The following HERC2 variants were observed in gnomAD, a reference collection of about 807,000 sequenced individuals.
HERC2 encodes the protein HECT and RLD domain containing E3 ubiquitin protein ligase 2, also known as E3 ubiquitin-protein ligase HERC2.
A neutral mutation model predicts 537.7 loss-of-function variants in HERC2; 102 were observed. The ratio of observed to expected loss-of-function variants is 0.19; its 90% CI spans 0.16 to 0.22. The LOEUF (loss-of-function observed/expected upper bound fraction) is 0.22. Ranked by LOEUF, HERC2 falls within the 10% of genes least tolerant of loss-of-function variation. The pLI, the probability that HERC2 is intolerant of heterozygous loss-of-function variation, is 1.00. For missense variants in HERC2, 4,236 were observed against 6,198.2 expected, an observed-to-expected ratio of 0.68 and a Z score of 10.63; for synonymous variants, 2,224 against 2,466.2, an observed-to-expected ratio of 0.90 and a Z score of 2.91.
intron 30 of HERC2, among the ~76,000 whole-genome samples, chr15:28,231,214 A>G (rs2140617462): frequency 6.6e-6 from 1 of 152,330 alleles, no homozygotes; most frequent in African/African-American, 2.4e-5. Context: ...CCTGGGCAGT[A>G]AAGAGCTAAC....
chr15:28,227,552 A>G (rs1184227799), intron 35 of HERC2, among the ~76,000 whole-genome samples: 1 of 152,004 alleles, frequency 6.6e-6, no homozygotes, highest in African/African-American at 2.4e-5. Context: ...GGTGGTGGGA[A>G]TGTAAAAATG....
At position 28,182,638 on chromosome 15, in the gene HERC2, AT is replaced by A. The variant is rs1159566530; in HGVS notation, c.8826-127del. ...ATGGTTACTTTCAGAAACTCTTAAAATTTTGCTTTAATAGAAAAAAACCTCA... is the reference window on the plus strand; with the variant it reads ...ATGGTTACTTTCAGAAACTCTTAAAATTTGCTTTAATAGAAAAAAACCTCA... On this transcript the variant is annotated intron_variant, in intron 56 of 92. Coordinates refer to ENST00000261609, the MANE Select transcript of HERC2 (RefSeq NM_004667.6). The A allele has an allele frequency of 4.0e-5, 30 of 757,458 alleles. No homozygotes were observed. In the East Asian group the frequency reaches 7.2e-4, roughly 18 times the overall value. The allele number at this position is 757,458 out of a possible 1,614,324, so 46.9% of individuals were successfully genotyped here. A position where few individuals can be genotyped will look rare whatever the true frequency, so the allele number is the denominator to read the frequency against.
intron 48 of HERC2, among the ~76,000 whole-genome samples, chr15:28,199,936 G>A (rs1312889634): frequency 2.0e-5 from 3 of 152,132 alleles, no homozygotes; most frequent in South Asian, 2.1e-4. Flanking sequence ...AGGAGAGGAC[G>A]GGGGAAGGAG....
chr15:28,177,083 C>A lies in HERC2; in HGVS notation c.9299G>T (p.Arg3100Leu). ...GCTCCCACAGGCGATATCCCGGATA[C>A]GCTTGGTTTTCAGGGCCTCGATCAG... is the stretch of plus-strand genomic sequence containing the variant. ...PRLIEALKTK[R>L]IRDIACGSSH... The change falls in exon 61 of 93, where the codon CGT becomes CTT. Residue 3100 changes from arginine (R) to leucine (L), a missense_variant. Physicochemically the swap from Arg to Leu is moderately radical, Grantham distance 102. Around this residue, in one of 27 missense-constraint regions of HERC2, gnomAD observed 606 missense variants for 884.5 expected, o/e 0.69. Transcript: ENST00000261609. The surrounding 1 kb of genome is among the most constrained non-coding windows in gnomAD (Gnocchi z 5.0). 2 of 1,613,742 alleles carry A rather than the reference C, an allele frequency of 1.2e-6. No individual in the cohort carries two copies. The highest frequency in any genetic ancestry group is 2.2e-5 in the South Asian group (2 of 91,078).
At chr15:28,251,721 A>C (rs1339908203) in intron 20 of HERC2, among the ~76,000 whole-genome samples, 1 of 151,932 alleles carries the variant, frequency 6.6e-6, no homozygotes, top group Non-Finnish European at 1.5e-5. Context: ...AATCACTTGA[A>C]GCCAAGAGGC....
intron 2 of HERC2, among the ~76,000 whole-genome samples, chr15:28,310,316 G>A (rs374669340): frequency 3.9e-5 from 6 of 152,080 alleles, no homozygotes; most frequent in Non-Finnish European, 7.4e-5. Flanking sequence ...AGGTGGTGGC[G>A]CGCCTGTACT....
chr15:28,128,907 C>T (rs1439551107), intron 83 of HERC2, among the ~76,000 whole-genome samples: 1 of 152,184 alleles, frequency 6.6e-6, no homozygotes, highest in African/African-American at 2.4e-5. Flanking sequence ...AGCCCTGTTC[C>T]TCCACGAAAG....
At chr15:28,125,315 T>C (rs1002303942) in intron 83 of HERC2, 122 bp from the exon 84 acceptor site, 54 of 778,716 alleles carry the variant, frequency 6.9e-5, no homozygotes, top group Non-Finnish European at 1.1e-4. Context: ...GTTGACCTAG[T>C]TGTCAACTTT....
In HERC2 at chr15:28,268,420, A is replaced by T. The variant is rs916636863; in HGVS notation, c.1598+45T>A. 1.3e-6 allele frequency: 2 copies of T among 1,572,638 alleles called. No individual in the cohort carries two copies. The highest frequency in any genetic ancestry group is 1.7e-6 in the Non-Finnish European group (2 of 1,150,194). On this transcript the variant is annotated intron_variant, in intron 12 of 92. Transcript: ENST00000261609. This position sits in a 1 kb window ranked among gnomAD's most constrained non-coding sequence, Gnocchi z 4.7. ...GCTCCATCCTGTTTAGGATATGGCA[A>T]CATAAAAGGAGAGTGTGTCCCCTAC...
chr15:28,155,726 G>A lies in HERC2; in HGVS notation c.10747-2896C>T, dbSNP rs1328307702. On this transcript the variant is annotated intron_variant, in intron 69 of 92. Transcript: ENST00000261609. ...ATTCTGTAGGTTGCCTGTTCACTCT[G>A]ATGGTAGTTTCTTTTGCTGTGCAGA... Among the ~76,000 whole-genome samples the A allele has an allele frequency of 3.9e-5, 6 of 152,122 alleles. No individual in the cohort carries two copies. In the East Asian group the frequency reaches 1.2e-3, roughly 29 times the overall value.
intron 79 of HERC2, 56 bp downstream of exon 79, chr15:28,135,422 A>C (rs752370060): frequency 7.4e-5 from 104 of 1,408,966 alleles, no homozygotes; most frequent in Non-Finnish European, 8.9e-5. Context: ...TAGCAGCATT[A>C]AAACAAACAA....
At chr15:28,121,529 C>A (rs1320381107) in intron 85 of HERC2, 100 bp from the exon 86 acceptor site, 3 of 973,696 alleles carry the variant, frequency 3.1e-6, no homozygotes, top group African/African-American at 3.2e-5. Context: ...TGTTGAAGAC[C>A]TTCTTAAGGA....
intron 20 of HERC2, among the ~76,000 whole-genome samples, chr15:28,252,979 G>A (rs2075132339): frequency 6.6e-6 from 1 of 152,180 alleles, no homozygotes; most frequent in South Asian, 2.1e-4. Context: ...CACTGCCCAG[G>A]GCTCCCTGCT....
chr15:28,217,421 C>T (rs1481133242), intron 38 of HERC2, among the ~76,000 whole-genome samples: 9 of 152,196 alleles, frequency 5.9e-5, no homozygotes, highest in Admixed American at 2.6e-4. Context: ...CGCTAACACA[C>T]TCACTCTCAT....
At chr15:28,293,933 T>C (rs145690303) in intron 3 of HERC2, among the ~76,000 whole-genome samples, 3,175 of 152,312 alleles carry the variant, frequency 0.021, 99 homozygotes, top group African/African-American at 0.072. Flanking sequence ...ACCTTAACCT[T>C]GAAGTGTAAA....
At chr15:28,267,360 C>T (rs2075597097) in intron 12 of HERC2, among the ~76,000 whole-genome samples, 1 of 152,172 alleles carries the variant, frequency 6.6e-6, no homozygotes, top group South Asian at 2.1e-4. Flanking sequence ...AGTTACTCAT[C>T]CCAGCACTTA....
chr15:28,209,460 C>G (rs898177870), intron 44 of HERC2, among the ~76,000 whole-genome samples: 1 of 152,186 alleles, frequency 6.6e-6, no homozygotes, highest in African/African-American at 2.4e-5. Flanking sequence ...TCTCCTGCCT[C>G]AGCCTCCCAA....
chr15:28,212,253 G>A (rs550076352), intron 43 of HERC2, among the ~76,000 whole-genome samples, 192 bp downstream of exon 43: 2 of 152,172 alleles, frequency 1.3e-5, no homozygotes, highest in African/African-American at 4.8e-5. Context: ...CGAACATGGC[G>A]ACAAAAGCTG....
intron 59 of HERC2, among the ~76,000 whole-genome samples, chr15:28,178,480 A>T (rs1002841549): frequency 6.6e-6 from 1 of 152,194 alleles, no homozygotes; most frequent in Non-Finnish European, 1.5e-5. Flanking sequence ...AGTTACACTG[A>T]GCCCCGTTCA....
Sources: allele counts gnomAD v4.1 joint callset (sites outside exome capture counted in the v4.1 genomes callset), GRCh38; gene constraint gnomAD v4.1.1; regional missense constraint gnomAD v4.1.1; non-coding constraint Gnocchi (gnomAD v3.1); transcripts MANE v1.5; gene names NCBI Gene and HGNC (gene_info 2026-07-23, HGNC 2026-07-21).